The following DYNC2I1 variants were observed in gnomAD, a reference collection of about 807,000 sequenced individuals.
DYNC2I1 encodes cytoplasmic dynein 2 intermediate chain 1.
Under a neutral mutation model 133.4 loss-of-function variants are expected in DYNC2I1, and 89 were observed. The observed-to-expected ratio is 0.67, with a 90% CI of 0.56 to 0.80. The LOEUF (loss-of-function observed/expected upper bound fraction) is 0.80, where lower values mean the gene tolerates loss of function less well. Ranked by LOEUF, DYNC2I1 falls within the 30% of genes least tolerant of loss-of-function variation. DYNC2I1 has a pLI of 0.00. For synonymous variants in DYNC2I1, 504 were observed against 484.3 expected (o/e 1.04, Z -0.54); for missense variants, 1,291 against 1,314.5 (o/e 0.98, Z 0.28).
downstream of DYNC2I1, among the ~76,000 whole-genome samples, chr7:158,947,253 C>T (rs1244340965): frequency 4.6e-5 from 7 of 152,156 alleles, no homozygotes; most frequent in Non-Finnish European, 8.8e-5. Context: ...TTCACAGTTG[C>T]GTGGAAAGGA....
chr7:158,889,372 G>A lies in DYNC2I1; in HGVS notation c.991-1893G>A, dbSNP rs541963771. On this transcript the variant is annotated intron_variant, in intron 7 of 24. Transcript: ENST00000407559. ...TGGGATTACAGGTGTGAGCCACCAC[G>A]TCTGGCCACCCCTCCTGTTTTTCCT... Among the ~76,000 whole-genome samples the A allele has an allele frequency of 5.4e-4, 81 of 150,732 alleles. 1 individual carries two copies. Among genetic ancestry groups the A allele is most frequent in the African/African-American group, 1.6e-3 (66 of 41,032 alleles).
At chr7:158,920,381 C>A (rs1041137336) in intron 15 of DYNC2I1, among the ~76,000 whole-genome samples, 1 of 147,292 alleles carries the variant, frequency 6.8e-6, no homozygotes, top group Non-Finnish European at 1.5e-5. Context: ...GTGTGGCCTC[C>A]GTCGGGGAAC....
At chr7:158,864,027 G>T (rs1298723109) in intron 1 of DYNC2I1, among the ~76,000 whole-genome samples, 1 of 135,606 alleles carries the variant, frequency 7.4e-6, no homozygotes, top group Non-Finnish European at 1.6e-5. Context: ...GACGTCCTTA[G>T]CTCTGGGTGT....
At chr7:158,935,146 T>G (rs1850620641) in intron 23 of DYNC2I1, among the ~76,000 whole-genome samples, 1 of 152,208 alleles carries the variant, frequency 6.6e-6, no homozygotes, top group South Asian at 2.1e-4. Flanking sequence ...ACAATAGAAA[T>G]TAATGTTCAG....
intron 8 of DYNC2I1, among the ~76,000 whole-genome samples, chr7:158,899,744 T>C (rs1846066252): frequency 6.6e-6 from 1 of 152,222 alleles, no homozygotes; most frequent in South Asian, 2.1e-4. Flanking sequence ...TTTCTCTTCC[T>C]GCCACCACGT....
At chr7:158,879,327 A>G (rs1357117969) in intron 4 of DYNC2I1, among the ~76,000 whole-genome samples, 3 of 152,088 alleles carry the variant, frequency 2.0e-5, no homozygotes, top group Non-Finnish European at 4.4e-5. Flanking sequence ...CTTGGTATCC[A>G]TGGGAGAAGG....
At chr7:158,941,363 G>A (rs2527195) in intron 23 of DYNC2I1, among the ~76,000 whole-genome samples, 73,459 of 152,028 alleles carry the variant, frequency 0.48, 18,339 homozygotes, top group Non-Finnish European at 0.54. Flanking sequence ...ATTCAACTTT[G>A]TTAAATTTGT....
chr7:158,839,552 G>A, the DYNC2I1 span, among the ~76,000 whole-genome samples: 2 of 152,216 alleles, frequency 1.3e-5, no homozygotes, highest in African/African-American at 4.8e-5. Context: ...GGGCACGGTG[G>A]TTCACGCCTG....
Position 158,871,299 on chromosome 7 carries a change from C to T in DYNC2I1, c.227C>T (p.Ala76Val). The change falls in exon 3 of 25, where the codon GCT becomes GTT. Residue 76 changes from alanine (A) to valine (V), a missense_variant. Coordinates refer to ENST00000407559, the MANE Select transcript of DYNC2I1 (RefSeq NM_018051.5). ...SRDRVAEVHT[A>V]KESPRGERDR... Reference sequence around the variant, plus strand: ...GACAGGGTGGCCGAAGTCCACACCGCTAAGGAGAGTCCTCGTGGGGAGAGG... The same window carrying T: ...GACAGGGTGGCCGAAGTCCACACCGTTAAGGAGAGTCCTCGTGGGGAGAGG... 6.3e-7 allele frequency: 1 copy of T among 1,579,090 alleles called. No individual in the cohort carries two copies. The highest frequency in any genetic ancestry group is 1.7e-4 in the Middle Eastern group (1 of 6,014).
At chr7:158,910,610 G>A (rs891313353) in intron 11 of DYNC2I1, among the ~76,000 whole-genome samples, 1 of 150,698 alleles carries the variant, frequency 6.6e-6, no homozygotes, top group African/African-American at 2.5e-5. Flanking sequence ...AGGCCTGTGG[G>A]CCGAGGGCAC....
At chr7:158,881,582 T>C (rs1416108357) in intron 5 of DYNC2I1, among the ~76,000 whole-genome samples, 1 of 151,992 alleles carries the variant, frequency 6.6e-6, no homozygotes, top group Non-Finnish European at 1.5e-5. Context: ...GCCTCCCGAG[T>C]AGCTGGGACT....
chr7:158,905,609 T>G (rs969326294), intron 10 of DYNC2I1, among the ~76,000 whole-genome samples: 1 of 152,244 alleles, frequency 6.6e-6, no homozygotes, highest in Non-Finnish European at 1.5e-5. Context: ...AATTTGCACT[T>G]GTTTCTGTTT....
chr7:158,918,733 C>T lies in DYNC2I1; in HGVS notation c.1792-7C>T. On this transcript the variant is annotated splice_region_variant and splice_polypyrimidine_tract_variant and intron_variant, in intron 14 of 24. Transcript: ENST00000407559. ...TTTATTAAAGACTACTCACTTATGT[C>T]TGACAGGTGATGGCCGTTTTGCTGG... 1 of 1,613,414 alleles carries T rather than the reference C, an allele frequency of 6.2e-7. No homozygotes were observed. The highest frequency in any genetic ancestry group is 1.1e-5 in the South Asian group (1 of 91,058).
intron 20 of DYNC2I1, among the ~76,000 whole-genome samples, chr7:158,928,576 G>A (rs919119252): frequency 2.0e-5 from 3 of 152,142 alleles, no homozygotes; most frequent in African/African-American, 7.2e-5. Context: ...TGCTTTTGAG[G>A]TGGAGTCACC....
chr7:158,846,269 A>G, the DYNC2I1 span, among the ~76,000 whole-genome samples: 1 of 152,216 alleles, frequency 6.6e-6, no homozygotes, highest in Non-Finnish European at 1.5e-5. Context: ...AAAAACAAAT[A>G]AATAAATAAA....
chr7:158,942,448 G>C (rs146630564), intron 24 of DYNC2I1, among the ~76,000 whole-genome samples: 1 of 152,052 alleles, frequency 6.6e-6, no homozygotes, highest in African/African-American at 2.4e-5. Context: ...CCGAGTCGAC[G>C]GCTTACCTGA....
At chr7:158,910,297 C>T (rs1488397737) in intron 11 of DYNC2I1, among the ~76,000 whole-genome samples, 2 of 152,206 alleles carry the variant, frequency 1.3e-5, no homozygotes, top group African/African-American at 2.4e-5. Flanking sequence ...CGTGTCAGGC[C>T]TGTGGGTGCA....
chr7:158,918,426 T>TAC (rs1387644600), intron 14 of DYNC2I1, among the ~76,000 whole-genome samples: 4 of 152,262 alleles, frequency 2.6e-5, no homozygotes, highest in South Asian at 4.2e-4. Context: ...GACTGCTCTT[T>TAC]ACACTGCTTT....
chr7:158,921,552 G>T (rs114770264), intron 15 of DYNC2I1, among the ~76,000 whole-genome samples: 1,581 of 152,260 alleles, frequency 0.01, 15 homozygotes, highest in African/African-American at 0.036. Context: ...CCTGACGCTT[G>T]CTGGTGGAAG....
Sources: gnomAD v4.1 joint callset for allele counts (sites outside exome capture counted in the v4.1 genomes callset) on GRCh38, gnomAD v4.1.1 for gene constraint, MANE v1.5 for transcripts, NCBI Gene and HGNC (gene_info 2026-07-23, HGNC 2026-07-21) for gene names.